SLFN11: variants seen among roughly 807,000 people sequenced by gnomAD.
SLFN11 encodes schlafen family member 11.
SLFN11 carries 43 observed loss-of-function variants against 53.4 expected under a neutral mutation model. The ratio of observed to expected loss-of-function variants is 0.80; its 90% CI spans 0.63 to 1.04. SLFN11 has a LOEUF of 1.04. SLFN11 is among the 50% of genes least tolerant of loss of function. The pLI, the probability that SLFN11 is intolerant of heterozygous loss-of-function variation, is 0.00. For missense variants in SLFN11, 990 were observed against 1,079.1 expected, an observed-to-expected ratio of 0.92 and a Z score of 1.16; for synonymous variants, 389 against 394.7, an observed-to-expected ratio of 0.99 and a Z score of 0.17.
In SLFN11 at chr17:35,352,577, CT is replaced by C. The variant is rs1906841773; in HGVS notation, c.2484del (p.Ala829GlnfsTer2). ...TGCACCACCCTTTTCTTCCTCATTG[CT>C]TTCAAGAGCTCATACTTATAGTGCT... ...EVEHYKYELL[K>X]AMRKKRVVQL... On this transcript the variant is annotated frameshift_variant, in exon 7 of 7. Coordinates refer to ENST00000685675, the MANE Select transcript of SLFN11 (RefSeq NM_001376007.1). LOFTEE classifies it low-confidence loss of function (END_TRUNC). 1 of 1,614,082 alleles carries C rather than the reference CT, an allele frequency of 6.2e-7. No homozygotes were observed. Among genetic ancestry groups the C allele is most frequent in the Non-Finnish European group, 8.5e-7 (1 of 1,180,046 alleles).
Position 35,352,691 on chromosome 17 carries a change from A to G in SLFN11, c.2371T>C (p.Cys791Arg). ...KYLTVEQIMTCVADTCRRFFD... is the reference protein window; with the variant it reads ...KYLTVEQIMTRVADTCRRFFD... ...AAGCGCCTGCACGTGTCTGCCACAC[A>G]GGTCATTATTTGCTCCACAGTCAAG... The change falls in exon 7 of 7, where the codon TGT (cysteine) becomes CGT (arginine). Residue 791 changes from cysteine (C) to arginine (R), a missense_variant. Transcript: ENST00000685675. 1.2e-6 allele frequency: 2 copies of G among 1,614,218 alleles called. No homozygotes were observed. The highest frequency in any genetic ancestry group is 8.5e-7 in the Non-Finnish European group (1 of 1,180,042).
Position 35,350,517 on chromosome 17 carries a change from C to A in SLFN11, c.*1839G>T, listed in dbSNP as rs1204159116. On this transcript the variant is annotated 3_prime_UTR_variant, in exon 7 of 7. Coordinates refer to ENST00000685675, the MANE Select transcript of SLFN11 (RefSeq NM_001376007.1). ...TAAATCATAAAGAGATACAACCAGT[C>A]GAAATTAGACTTTTAAAGAATTACT... The A allele has an allele frequency of 6.6e-6, 1 of 152,056 alleles. No homozygotes were observed. The highest frequency in any genetic ancestry group is 2.4e-5 in the African/African-American group (1 of 41,400). The allele number at this position is 152,056 out of a possible 1,614,324, so 9.4% of individuals were successfully genotyped here.
At chr17:35,357,551 G>A (rs1907672642) in intron 5 of SLFN11, among the ~76,000 whole-genome samples, 1 of 151,124 alleles carries the variant, frequency 6.6e-6, no homozygotes. Flanking sequence ...GTTACCCTAT[G>A]TATTTATGAG....
At chr17:35,361,273 A>T (rs1216214593) in intron 4 of SLFN11, among the ~76,000 whole-genome samples, 1 of 152,116 alleles carries the variant, frequency 6.6e-6, no homozygotes, top group Non-Finnish European at 1.5e-5. Flanking sequence ...GAAATATTTC[A>T]AACTGTTAGG....
chr17:35,356,797 T>TACACACACACACACACACAC (rs61566848), intron 5 of SLFN11, among the ~76,000 whole-genome samples: 1 of 140,108 alleles, frequency 7.1e-6, no homozygotes, highest in African/African-American at 2.6e-5. Flanking sequence ...ATATGTAGCA[T>TACACACACACACACACACAC]ACACACACAC....
chr17:35,362,294 T>G (rs111910290), intron 4 of SLFN11, among the ~76,000 whole-genome samples: 2 of 151,246 alleles, frequency 1.3e-5, no homozygotes, highest in African/African-American at 4.9e-5. Context: ...AAGATAATAG[T>G]GAAATGTAGC....
At chr17:35,359,171 A>G (rs1907886318) in intron 5 of SLFN11, among the ~76,000 whole-genome samples, 1 of 152,178 alleles carries the variant, frequency 6.6e-6, no homozygotes, top group African/African-American at 2.4e-5. Flanking sequence ...CTCTATGGGC[A>G]TATAGCCCAT....
intron 5 of SLFN11, among the ~76,000 whole-genome samples, chr17:35,357,693 T>C (rs915325794): frequency 4.8e-5 from 7 of 146,380 alleles, no homozygotes; most frequent in African/African-American, 1.7e-4. Context: ...CAACTCTTTT[T>C]ATTATTTATA....
chr17:35,355,314 T>C (rs1006875250), intron 5 of SLFN11, among the ~76,000 whole-genome samples: 1 of 152,012 alleles, frequency 6.6e-6, no homozygotes, highest in African/African-American at 2.4e-5. Context: ...GTGGGAGGAT[T>C]GCTTGAGCCA....
intron 1 of SLFN11, among the ~76,000 whole-genome samples, chr17:35,369,057 A>T (rs1909317261): frequency 4.6e-5 from 7 of 152,054 alleles, no homozygotes; most frequent in Admixed American, 4.6e-4. Flanking sequence ...GACTCAGCAC[A>T]ACCCCAGCTG....
chr17:35,364,805 A>G (rs946480485), intron 3 of SLFN11, among the ~76,000 whole-genome samples: 2 of 152,188 alleles, frequency 1.3e-5, no homozygotes, highest in Non-Finnish European at 2.9e-5. Context: ...GGTGTTTAGT[A>G]AAGGAATCTA....
chr17:35,351,733 C>T lies in SLFN11; in HGVS notation c.*623G>A, dbSNP rs2141916053. ...TATCACAATTAAGGCTTGGTCTGGG[C>T]CATTCTGAGAACAAGCTCTGGAGAC... is the stretch of plus-strand genomic sequence containing the variant. On this transcript the variant is annotated 3_prime_UTR_variant, in exon 7 of 7. Transcript: ENST00000685675. 6.6e-6 allele frequency: 1 copy of T among 152,438 alleles called. No homozygotes were observed. The allele number at this position is 152,438 out of a possible 1,614,324, so 9.4% of individuals were successfully genotyped here. A position where few individuals can be genotyped will look rare whatever the true frequency, so the allele number is the denominator to read the frequency against.
chr17:35,361,811 C>G (rs1017652987), intron 4 of SLFN11, among the ~76,000 whole-genome samples: 1 of 151,796 alleles, frequency 6.6e-6, no homozygotes, highest in Non-Finnish European at 1.5e-5. Flanking sequence ...GTGGTGCAAT[C>G]TCGGCTCACT....
chr17:35,359,177 C>T (rs1418363627), intron 5 of SLFN11, among the ~76,000 whole-genome samples: 1 of 151,998 alleles, frequency 6.6e-6, no homozygotes, highest in Non-Finnish European at 1.5e-5. Flanking sequence ...GGGCATATAG[C>T]CCATTATTTT....
At chr17:35,369,301 G>GTGAA (rs1343448059) in intron 1 of SLFN11, among the ~76,000 whole-genome samples, 1 of 152,102 alleles carries the variant, frequency 6.6e-6, no homozygotes, top group Non-Finnish European at 1.5e-5. Flanking sequence ...TGGGCTTTAA[G>GTGAA]TGAATATCAG....
rs1285143055 is a variant in SLFN11, at chr17:35,353,878, A to G, written c.1380T>C (p.Asp460=). 3 of 1,613,542 alleles carry G rather than the reference A, an allele frequency of 1.9e-6. No homozygotes were observed. The highest frequency in any genetic ancestry group is 2.5e-6 in the Non-Finnish European group (3 of 1,179,854). ...NLQEKPGVIC[D]ALLIAQNSTP... ...TGCTGTTCTGTGCTATCAGCAGAGC[A>G]TCACAGATGACTCCTGGCTTCTCCT... Residue 460 remains aspartate, a synonymous_variant, in exon 6 of 7, where the codon GAT becomes GAC. Transcript: ENST00000685675.
chr17:35,368,534 G>A (rs1252777167), intron 1 of SLFN11, among the ~76,000 whole-genome samples: 1 of 152,042 alleles, frequency 6.6e-6, no homozygotes, highest in African/African-American at 2.4e-5. Context: ...AGTGCTAGGG[G>A]GTTCTAAATA....
At position 35,353,720 on chromosome 17, in the gene SLFN11, T is replaced by G; in HGVS notation, c.1538A>C (p.Lys513Thr). ...GYTGKVCVRAKVLCLSPESSA... is the reference protein window; with the variant it reads ...GYTGKVCVRATVLCLSPESSA... ...GCTCTCAGGACTCAGGCAGAGGACC[T>G]TGGCCCTGACACACACCTTCCCGGT... Residue 513 changes from lysine (K) to threonine (T), a missense_variant, in exon 6 of 7, where the codon AAG (lysine) becomes ACG (threonine). By Grantham distance (78) the Lys-to-Thr change is moderately conservative. Around this residue, in one of 3 missense-constraint regions of SLFN11, gnomAD observed 156 missense variants for 241.9 expected, o/e 0.64. Coordinates refer to ENST00000685675, the MANE Select transcript of SLFN11 (RefSeq NM_001376007.1). 6.9e-7 allele frequency: 1 copy of G among 1,452,194 alleles called. No individual in the cohort carries two copies. The highest frequency in any genetic ancestry group is 2.5e-5 in the East Asian group (1 of 40,202). 90.0% of individuals were successfully genotyped at this position (1,452,194 alleles called of 1,614,324 possible).
chr17:35,352,263 A>T lies in SLFN11; in HGVS notation c.*93T>A. On this transcript the variant is annotated 3_prime_UTR_variant, in exon 7 of 7. Coordinates refer to ENST00000685675, the MANE Select transcript of SLFN11 (RefSeq NM_001376007.1). ...AAACTCTTTGTGTCAGCTCCGTCCAAATCTCTGACTTGTGAACTAAAAAGA... is the reference window on the plus strand; with the variant it reads ...AAACTCTTTGTGTCAGCTCCGTCCATATCTCTGACTTGTGAACTAAAAAGA... 6.7e-7 allele frequency: 1 copy of T among 1,489,350 alleles called. No homozygotes were observed. Among genetic ancestry groups the T allele is most frequent in the South Asian group, 1.3e-5 (1 of 77,318 alleles). The allele number at this position is 1,489,350 out of a possible 1,614,324, so 92.3% of individuals were successfully genotyped here. A position where few individuals can be genotyped will look rare whatever the true frequency, so the allele number is the denominator to read the frequency against.
Sources: allele counts gnomAD v4.1 joint callset (sites outside exome capture counted in the v4.1 genomes callset), GRCh38; gene constraint gnomAD v4.1.1; regional missense constraint gnomAD v4.1.1; transcripts MANE v1.5; gene names NCBI Gene and HGNC (gene_info 2026-07-23, HGNC 2026-07-21).